The following PARD3 variants were observed in gnomAD, a reference collection of about 807,000 sequenced individuals.
PARD3 encodes partitioning defective 3 homolog.
In PARD3, 75 loss-of-function variants were observed where a neutral mutation model predicts 155.4. That is an observed-to-expected ratio of 0.48 (90% CI 0.40 to 0.58). PARD3 has a LOEUF of 0.58. Among genes scored for constraint, PARD3 ranks in the 20% least tolerant of loss-of-function variants. The pLI is 0.00. For synonymous variants in PARD3, 576 were observed against 610.5 expected (o/e 0.94, Z 0.83); for missense variants, 1,642 against 1,721.7 (o/e 0.95, Z 0.82).
chr10:34,319,365 G>T (rs535517804), intron 19 of PARD3, among the ~76,000 whole-genome samples: 1 of 152,156 alleles, frequency 6.6e-6, no homozygotes, highest in South Asian at 2.1e-4. Flanking sequence ...GGATTACAGG[G>T]GTGAGTCACA....
At chr10:34,633,887 G>A (rs1473943105) in intron 2 of PARD3, among the ~76,000 whole-genome samples, 1 of 152,182 alleles carries the variant, frequency 6.6e-6, no homozygotes, top group African/African-American at 2.4e-5. Context: ...CAAGAGGGAG[G>A]TGACATTTCA....
intron 1 of PARD3, among the ~76,000 whole-genome samples, chr10:34,798,423 TG>T (rs1842515128): frequency 6.7e-6 from 1 of 149,968 alleles, no homozygotes; most frequent in South Asian, 2.1e-4. Context: ...AAAAAAAACA[TG>T]CCGGGCGCAG....
chr10:34,327,431 C>G (rs1835145149), intron 19 of PARD3, among the ~76,000 whole-genome samples: 2 of 152,206 alleles, frequency 1.3e-5, no homozygotes, highest in Non-Finnish European at 2.9e-5. Flanking sequence ...GGCCCCATTG[C>G]TGTGCCCATG....
chr10:34,750,509 A>ACACACACACC (rs1395471722), intron 1 of PARD3, among the ~76,000 whole-genome samples: 4 of 140,040 alleles, frequency 2.9e-5, no homozygotes, highest in Non-Finnish European at 6.2e-5. Context: ...ACACACACAC[A>ACACACACACC]CCCTAAGACT....
chr10:34,406,446 C>T (rs1483855292), intron 5 of PARD3, among the ~76,000 whole-genome samples: 2 of 152,140 alleles, frequency 1.3e-5, no homozygotes, highest in Non-Finnish European at 2.9e-5. Context: ...GAAGCAGAAA[C>T]CAGTTCAGAT....
chr10:34,814,903 C>G lies in PARD3; in HGVS notation c.93G>C (p.Val31=), dbSNP rs935426604. 3 of 1,539,654 alleles carry G rather than the reference C, an allele frequency of 1.9e-6. No homozygotes were observed. The highest frequency in any genetic ancestry group is 2.6e-6 in the Non-Finnish European group (3 of 1,143,400). ...MKVFSLIQQA[V]TRYRKAIAKD... is the part of the protein sequence containing the mutation. ...TGGCGATGGCCTTCCGGTAGCGGGT[C>G]ACCGCCTGCTGGATGAGGCTGAAAA... is the stretch of plus-strand genomic sequence containing the variant. The change falls in exon 1 of 25, where the codon GTG becomes GTC. Residue 31 remains valine, a synonymous_variant. Transcript: ENST00000374788.
chr10:34,538,716 G>C (rs2083390974), intron 2 of PARD3, among the ~76,000 whole-genome samples: 1 of 152,238 alleles, frequency 6.6e-6, no homozygotes, highest in South Asian at 2.1e-4. Context: ...TGAAGTACAG[G>C]AAGAGTCACC....
intron 13 of PARD3, among the ~76,000 whole-genome samples, chr10:34,359,661 G>C (rs538048527): frequency 6.6e-6 from 1 of 152,248 alleles, no homozygotes; most frequent in South Asian, 2.1e-4. Context: ...AAAGCTCAAG[G>C]CTATTAGACA....
Position 34,110,980 on chromosome 10 carries a change from G to T in PARD3, c.*189C>A. On this transcript the variant is annotated 3_prime_UTR_variant, in exon 25 of 25. Transcript: ENST00000374788. The stretch of plus-strand genomic sequence containing the variant: ...GGGTGGGAAATCCTTCCATGAAACA[G>T]ACACTTGAGACATAGTGGCAAAGAC... The T allele has an allele frequency of 1.9e-6, 1 of 534,526 alleles. No individual in the cohort carries two copies. 33.1% of individuals were successfully genotyped at this position (534,526 alleles called of 1,614,324 possible).
At chr10:34,463,456 G>A (rs2077810915) in intron 4 of PARD3, among the ~76,000 whole-genome samples, 1 of 152,036 alleles carries the variant, frequency 6.6e-6, no homozygotes, top group Non-Finnish European at 1.5e-5. Context: ...ACAGTAGACA[G>A]AAACATTGTT....
At chr10:34,205,439 C>T (rs971170315) in intron 22 of PARD3, among the ~76,000 whole-genome samples, 5 of 152,188 alleles carry the variant, frequency 3.3e-5, no homozygotes, top group African/African-American at 1.2e-4. Flanking sequence ...TCAAATCTAT[C>T]TGCAGTGTTT....
At chr10:34,632,652 G>C (rs2092316801) in intron 2 of PARD3, among the ~76,000 whole-genome samples, 2 of 152,156 alleles carry the variant, frequency 1.3e-5, no homozygotes, top group Non-Finnish European at 2.9e-5. Context: ...AAATGGGGTA[G>C]CTAAAAATGT....
chr10:34,465,506 G>T (rs2077955230), intron 4 of PARD3, among the ~76,000 whole-genome samples: 1 of 152,150 alleles, frequency 6.6e-6, no homozygotes, highest in Non-Finnish European at 1.5e-5. Flanking sequence ...TAGCAAACAT[G>T]CTAAGCAACT....
chr10:34,699,766 T>C (rs912681691), intron 1 of PARD3, among the ~76,000 whole-genome samples: 3 of 152,092 alleles, frequency 2.0e-5, no homozygotes, highest in Admixed American at 1.3e-4. Context: ...TCCCAGCTAA[T>C]TGGGAGACTA....
chr10:34,772,647 A>G (rs1839031026), intron 1 of PARD3, among the ~76,000 whole-genome samples: 1 of 151,804 alleles, frequency 6.6e-6, no homozygotes, highest in Admixed American at 6.6e-5. Flanking sequence ...CAAAAAAATT[A>G]GCCAAGCGTG....
At chr10:34,762,459 C>T (rs1837576459) in intron 1 of PARD3, among the ~76,000 whole-genome samples, 2 of 147,612 alleles carry the variant, frequency 1.4e-5, no homozygotes. Flanking sequence ...ACACATGCCA[C>T]CATGCCTGAC....
At chr10:34,790,278 T>C (rs1841476414) in intron 1 of PARD3, among the ~76,000 whole-genome samples, 1 of 152,234 alleles carries the variant, frequency 6.6e-6, no homozygotes, top group South Asian at 2.1e-4. Flanking sequence ...TTCTACTTCC[T>C]CTGCTGGCAC....
chr10:34,597,345 T>C (rs1328628951), intron 2 of PARD3, among the ~76,000 whole-genome samples: 4 of 151,690 alleles, frequency 2.6e-5, no homozygotes, highest in Non-Finnish European at 5.9e-5. Context: ...TTTTATAATA[T>C]ATTTTTGGCT....
intron 22 of PARD3, among the ~76,000 whole-genome samples, chr10:34,209,446 G>A (rs1304669789): frequency 6.6e-6 from 1 of 152,180 alleles, no homozygotes; most frequent in Non-Finnish European, 1.5e-5. Context: ...GCTTCAAGAA[G>A]CCAAGTATAG....
Sources: allele counts gnomAD v4.1 joint callset (sites outside exome capture counted in the v4.1 genomes callset), GRCh38; gene constraint gnomAD v4.1.1; transcripts MANE v1.5; gene names NCBI Gene and HGNC (gene_info 2026-07-23, HGNC 2026-07-21).